The following COL4A2 variants were observed in gnomAD, a reference collection of about 807,000 sequenced individuals.
COL4A2 encodes collagen alpha-2(IV) chain.
Under a neutral mutation model 200.2 loss-of-function variants are expected in COL4A2, and 99 were observed. The observed-to-expected ratio is 0.49, with a 90% CI of 0.42 to 0.58. COL4A2 has a LOEUF of 0.58. Ranked by LOEUF, COL4A2 falls within the 20% of genes least tolerant of loss-of-function variation. COL4A2 has a pLI of 0.00. For missense variants in COL4A2, 1,950 were observed against 2,314.1 expected (o/e 0.84, Z 3.23); for synonymous variants, 897 against 900.6 (o/e 1.00, Z 0.07).
At chr13:110,345,143 G>T (rs1319588492) in intron 3 of COL4A2, among the ~76,000 whole-genome samples, 2 of 152,132 alleles carry the variant, frequency 1.3e-5, no homozygotes, top group African/African-American at 4.8e-5. Flanking sequence ...AAGGTGAGTG[G>T]CTGGTGTGTT....
chr13:110,352,235 G>A (rs1259157475), intron 3 of COL4A2, among the ~76,000 whole-genome samples: 1 of 152,200 alleles, frequency 6.6e-6, no homozygotes, highest in Non-Finnish European at 1.5e-5. Context: ...GGCCTTGGGA[G>A]GTAGGCATAG....
rs1468887976 is a variant in COL4A2, at chr13:110,506,532, G to A, written c.4520G>A (p.Gly1507Asp). 1 of 1,613,216 alleles carries A rather than the reference G, an allele frequency of 6.2e-7. No individual in the cohort carries two copies. The highest frequency in any genetic ancestry group is 1.7e-5 in the Admixed American group (1 of 59,924). Reference sequence around the variant, plus strand: ...GACCAGGAGCCCATGTGCCCAGTGGGCATGAACAAACTCTGGAGTGGATAC... The same window carrying A: ...GACCAGGAGCCCATGTGCCCAGTGGACATGAACAAACTCTGGAGTGGATAC... ...QTDQEPMCPV[G>D]MNKLWSGYSL... is the part of the protein sequence containing the mutation. Residue 1507 changes from glycine (G) to aspartate (D), a missense_variant, in exon 46 of 48, where the codon GGC becomes GAC. This residue lies in a region of COL4A2 where 1,385 missense variants were observed against 1,720.5 expected (regional missense o/e 0.80). Coordinates refer to ENST00000360467, the MANE Select transcript of COL4A2 (RefSeq NM_001846.4).
intron 27 of COL4A2, among the ~76,000 whole-genome samples, chr13:110,467,381 G>A (rs550473558): frequency 2.6e-5 from 4 of 152,238 alleles, no homozygotes; most frequent in East Asian, 1.9e-4. Flanking sequence ...TGGAAGCCTC[G>A]TGTTTAGGAC....
intron 47 of COL4A2, among the ~76,000 whole-genome samples, chr13:110,509,268 T>TACAC (rs1474219877): frequency 0.017 from 2,011 of 120,528 alleles, 27 homozygotes; most frequent in Admixed American, 0.029. Context: ...TATATATATA[T>TACAC]ATACACACAC....
chr13:110,402,239 C>A (rs1191843892), intron 4 of COL4A2, among the ~76,000 whole-genome samples: 3 of 152,218 alleles, frequency 2.0e-5, no homozygotes, highest in Admixed American at 6.5e-5. Flanking sequence ...AGGCACATTT[C>A]TCTCCCAGTA....
At chr13:110,346,196 T>C (rs1274250073) in intron 3 of COL4A2, among the ~76,000 whole-genome samples, 2 of 152,226 alleles carry the variant, frequency 1.3e-5, no homozygotes, top group African/African-American at 4.8e-5. Context: ...TCTTTCTTGT[T>C]TGAGGCTTTT....
At chr13:110,378,892 A>G (rs1229131857) in intron 4 of COL4A2, among the ~76,000 whole-genome samples, 1 of 152,222 alleles carries the variant, frequency 6.6e-6, no homozygotes, top group African/African-American at 2.4e-5. Flanking sequence ...GTGTCGGTGG[A>G]CACAGTCATG....
chr13:110,428,662 T>A, intron 7 of COL4A2, 79 bp downstream of exon 7: 1 of 754,298 alleles, frequency 1.3e-6, no homozygotes, highest in South Asian at 2.3e-5. Context: ...TGGGGGAGCC[T>A]CCCGCTCACT....
chr13:110,481,639 G>GC (rs1226648216), intron 31 of COL4A2, among the ~76,000 whole-genome samples: 2 of 109,418 alleles, frequency 1.8e-5, no homozygotes, highest in Non-Finnish European at 3.7e-5. Context: ...GAGACACACT[G>GC]TTCTGTCCTT....
chr13:110,387,589 G>A (rs1477328923), intron 4 of COL4A2, among the ~76,000 whole-genome samples: 4 of 152,240 alleles, frequency 2.6e-5, no homozygotes, highest in South Asian at 2.1e-4. Context: ...CCGAGCTGGG[G>A]AGGAACGCAG....
chr13:110,506,257 A>ACTCTCTCT (rs10558706), intron 45 of COL4A2, among the ~76,000 whole-genome samples, 158 bp from the exon 46 acceptor site: 2 of 117,492 alleles, frequency 1.7e-5, no homozygotes, highest in African/African-American at 3.6e-5. Context: ...CAGGCCGTCC[A>ACTCTCTCT]CTCTCTCTCT....
chr13:110,356,566 G>A (rs1305031685), intron 3 of COL4A2, among the ~76,000 whole-genome samples: 2 of 152,068 alleles, frequency 1.3e-5, no homozygotes, highest in African/African-American at 4.8e-5. Flanking sequence ...ACCTCTCTGG[G>A]TTCCCCGCCA....
At chr13:110,480,465 T>G in intron 31 of COL4A2, 75 bp downstream of exon 31, 1 of 1,469,998 alleles carries the variant, frequency 6.8e-7, no homozygotes, top group Non-Finnish European at 9.1e-7. Context: ...GAGACAGCTC[T>G]GCTGGGCGCC....
chr13:110,395,577 A>C (rs1051770440), intron 4 of COL4A2, among the ~76,000 whole-genome samples: 11 of 152,202 alleles, frequency 7.2e-5, no homozygotes, highest in African/African-American at 2.7e-4. Flanking sequence ...CATTATATTC[A>C]ACTGGATATA....
Position 110,512,277 on chromosome 13 carries a change from T to C in COL4A2, c.*86T>C. On this transcript the variant is annotated 3_prime_UTR_variant, in exon 48 of 48. Transcript: ENST00000360467. The stretch of plus-strand genomic sequence containing the variant: ...CAACCCAAAAATTGGTTTTATTTTT[T>C]TCTTAAAAAAAAAAAAGTCTACCAA... The C allele has an allele frequency of 7.0e-7, 1 of 1,420,710 alleles. No homozygotes were observed. Among genetic ancestry groups the C allele is most frequent in the Admixed American group, 3.2e-5 (1 of 31,042 alleles). 88.0% of individuals were successfully genotyped at this position (1,420,710 alleles called of 1,614,324 possible). A position where few individuals can be genotyped will look rare whatever the true frequency, so the allele number is the denominator to read the frequency against.
chr13:110,327,095 G>A (rs931036955), intron 3 of COL4A2, among the ~76,000 whole-genome samples: 4 of 152,116 alleles, frequency 2.6e-5, no homozygotes, highest in Non-Finnish European at 5.9e-5. Context: ...TTGCTAACCT[G>A]GGCTAGCCTG....
intron 3 of COL4A2, among the ~76,000 whole-genome samples, chr13:110,353,391 A>AAGGG: frequency 6.6e-6 from 1 of 152,312 alleles, no homozygotes; most frequent in African/African-American, 2.4e-5. Context: ...CAGTAAAATG[A>AAGGG]AGGGATAGGC....
At chr13:110,491,516 C>T (rs181414355) in intron 37 of COL4A2, among the ~76,000 whole-genome samples, 176 bp downstream of exon 37, 4 of 152,318 alleles carry the variant, frequency 2.6e-5, no homozygotes, top group African/African-American at 4.8e-5. Context: ...GAAACAACCA[C>T]CTGGGCTGGG....
At chr13:110,377,237 C>T (rs886461345) in intron 4 of COL4A2, among the ~76,000 whole-genome samples, 1 of 152,164 alleles carries the variant, frequency 6.6e-6, no homozygotes, top group African/African-American at 2.4e-5. Flanking sequence ...AGGACATCTG[C>T]ATTCTACATG....
Sources: gnomAD v4.1 joint callset for allele counts (sites outside exome capture counted in the v4.1 genomes callset) on GRCh38, gnomAD v4.1.1 for gene constraint, gnomAD v4.1.1 regional missense constraint, MANE v1.5 for transcripts, NCBI Gene and HGNC (gene_info 2026-07-23, HGNC 2026-07-21) for gene names.